Variants in TAFA1 observed in about 807,000 individuals in gnomAD.
The protein encoded by TAFA1 is chemokine-like protein TAFA-1.
Under a neutral mutation model 18.5 loss-of-function variants are expected in TAFA1, and 4 were observed. That is an observed-to-expected ratio of 0.22 (90% CI 0.11 to 0.49). The LOEUF (loss-of-function observed/expected upper bound fraction) is 0.49, where lower values mean the gene tolerates loss of function less well. TAFA1 is among the 20% of genes least tolerant of loss of function. The probability of loss-of-function intolerance (pLI) is 0.98; values close to 1 mark genes in which losing one functional copy is unlikely to be tolerated. For missense variants in TAFA1, 147 were observed against 169.0 expected (o/e 0.87, Z 0.72); for synonymous variants, 56 against 55.2 (o/e 1.01, Z -0.06).
intron 3 of TAFA1, among the ~76,000 whole-genome samples, chr3:68,487,711 C>T (rs1312843476): frequency 6.9e-6 from 1 of 144,800 alleles, no homozygotes; most frequent in African/African-American, 2.6e-5. Flanking sequence ...GAGATCGCGC[C>T]ACTGCACTCC....
At chr3:68,316,500 G>C (rs1211881948) in intron 2 of TAFA1, among the ~76,000 whole-genome samples, 1 of 152,114 alleles carries the variant, frequency 6.6e-6, no homozygotes, top group Non-Finnish European at 1.5e-5. Flanking sequence ...TGCCTTTTAG[G>C]TGCTAACTTG....
intron 2 of TAFA1, among the ~76,000 whole-genome samples, chr3:68,040,991 T>C (rs1302590418): frequency 1.3e-5 from 2 of 152,182 alleles, no homozygotes; most frequent in African/African-American, 2.4e-5. Flanking sequence ...TATGCAACTC[T>C]AAGATACGTA....
chr3:68,142,072 C>G (rs932825464), intron 2 of TAFA1, among the ~76,000 whole-genome samples: 1 of 152,156 alleles, frequency 6.6e-6, no homozygotes, highest in Non-Finnish European at 1.5e-5. Flanking sequence ...TTACCTCTAG[C>G]TTAGCGGAGT....
intron 2 of TAFA1, among the ~76,000 whole-genome samples, chr3:68,134,795 A>G (rs1176645857): frequency 6.6e-6 from 1 of 152,254 alleles, no homozygotes; most frequent in East Asian, 1.9e-4. Flanking sequence ...GGTTACTGTC[A>G]TTGGGAAGGT....
intron 2 of TAFA1, among the ~76,000 whole-genome samples, chr3:68,227,611 A>G (rs1177269405): frequency 6.6e-6 from 1 of 152,250 alleles, no homozygotes; most frequent in African/African-American, 2.4e-5. Context: ...CACAAAATGC[A>G]AAGGGAGAAA....
chr3:68,407,239 A>C (rs2070629685), intron 2 of TAFA1, among the ~76,000 whole-genome samples: 1 of 152,092 alleles, frequency 6.6e-6, no homozygotes, highest in African/African-American at 2.4e-5. Context: ...TATCAGAGTA[A>C]ATTTTCATGC....
intron 2 of TAFA1, among the ~76,000 whole-genome samples, chr3:68,100,534 G>C (rs1384900489): frequency 6.6e-6 from 1 of 152,096 alleles, no homozygotes; most frequent in Non-Finnish European, 1.5e-5. Flanking sequence ...TCCAAATTTA[G>C]TGTCTGATAC....
intron 3 of TAFA1, among the ~76,000 whole-genome samples, chr3:68,519,694 G>T (rs2072987380): frequency 6.6e-6 from 1 of 152,154 alleles, no homozygotes; most frequent in African/African-American, 2.4e-5. Context: ...CTTCTGGGTT[G>T]TATACTCTTG....
At chr3:68,039,558 G>T (rs1439040629) in intron 2 of TAFA1, among the ~76,000 whole-genome samples, 8 of 150,422 alleles carry the variant, frequency 5.3e-5, no homozygotes, top group African/African-American at 1.9e-4. Flanking sequence ...TTTCTCTCCA[G>T]TCAAAGATTG....
At chr3:68,301,139 C>T (rs1323818703) in intron 2 of TAFA1, among the ~76,000 whole-genome samples, 1 of 152,040 alleles carries the variant, frequency 6.6e-6, no homozygotes, top group East Asian at 1.9e-4. Flanking sequence ...CATTTCAATC[C>T]TAACCCCACC....
chr3:68,299,168 C>T (rs2068262794), intron 2 of TAFA1, among the ~76,000 whole-genome samples: 1 of 152,024 alleles, frequency 6.6e-6, no homozygotes, highest in South Asian at 2.1e-4. Flanking sequence ...ATGGCACTTC[C>T]CACTCAGAGA....
chr3:68,118,716 T>G (rs1044963449), intron 2 of TAFA1, among the ~76,000 whole-genome samples: 1 of 152,226 alleles, frequency 6.6e-6, no homozygotes, highest in African/African-American at 2.4e-5. Flanking sequence ...TCCTTCCTTT[T>G]TTAGGCTGAA....
chr3:68,473,902 C>T (rs1297889191), intron 3 of TAFA1, among the ~76,000 whole-genome samples: 1 of 152,068 alleles, frequency 6.6e-6, no homozygotes, highest in Admixed American at 6.6e-5. Flanking sequence ...CACTATATCC[C>T]CAGGGCCTAA....
intron 2 of TAFA1, among the ~76,000 whole-genome samples, chr3:68,097,422 T>A (rs1203697836): frequency 6.6e-6 from 1 of 152,172 alleles, no homozygotes; most frequent in African/African-American, 2.4e-5. Context: ...TGTGTTTGGT[T>A]CTGTGTTTGC....
chr3:68,120,635 C>T (rs920626313), intron 2 of TAFA1, among the ~76,000 whole-genome samples: 7 of 152,128 alleles, frequency 4.6e-5, no homozygotes, highest in Non-Finnish European at 8.8e-5. Flanking sequence ...GTGAGGTTCA[C>T]AAACTTAAAG....
At chr3:68,119,432 G>A (rs777753081) in intron 2 of TAFA1, among the ~76,000 whole-genome samples, 9 of 151,714 alleles carry the variant, frequency 5.9e-5, no homozygotes, top group Non-Finnish European at 1.2e-4. Context: ...TTGTGCTCTT[G>A]GTGTCATATC....
chr3:68,336,543 C>T (rs924205275), intron 2 of TAFA1, among the ~76,000 whole-genome samples: 1 of 152,220 alleles, frequency 6.6e-6, no homozygotes, highest in African/African-American at 2.4e-5. Flanking sequence ...TTGTGACTTT[C>T]TATTAAGCGT....
At chr3:68,138,935 G>T (rs1256891250) in intron 2 of TAFA1, among the ~76,000 whole-genome samples, 2 of 152,140 alleles carry the variant, frequency 1.3e-5, no homozygotes, top group African/African-American at 4.8e-5. Context: ...TGAAACTGAG[G>T]CTCTATGGGC....
rs530269644 is a variant in TAFA1, at chr3:68,413,103, T to C, written c.119-4177T>C. ...GTGAGATGGTATCTCATTGTGTTTT[T>C]GATTTGCATTTCTCTGATGGCCAGT... On this transcript the variant is annotated intron_variant, in intron 2 of 4. Transcript: ENST00000478136. Among the ~76,000 whole-genome samples the C allele has an allele frequency of 1.1e-4, 17 of 152,338 alleles. No homozygotes were observed. In the South Asian group the frequency reaches 3.1e-3, roughly 28 times the overall value.
Sources: allele counts gnomAD v4.1 joint callset (sites outside exome capture counted in the v4.1 genomes callset), GRCh38; gene constraint gnomAD v4.1.1; transcripts MANE v1.5; gene names NCBI Gene and HGNC (gene_info 2026-07-23, HGNC 2026-07-21).